Variants in ASTN2 observed in about 807,000 individuals in gnomAD.
ASTN2 encodes astrotactin-2.
A neutral mutation model predicts 139.8 loss-of-function variants in ASTN2; 54 were observed. The ratio of observed to expected loss-of-function variants is 0.39; its 90% CI spans 0.31 to 0.48. The LOEUF is 0.48. Ranked by LOEUF, ASTN2 falls within the 20% of genes least tolerant of loss-of-function variation. The probability of loss-of-function intolerance (pLI) is 0.95; values close to 1 mark genes in which losing one functional copy is unlikely to be tolerated. For missense variants in ASTN2, 1,565 were observed against 1,725.1 expected, an observed-to-expected ratio of 0.91 and a Z score of 1.64; for synonymous variants, 756 against 719.5, an observed-to-expected ratio of 1.05 and a Z score of -0.81.
At chr9:116,547,456 C>G (rs1218048707) in intron 19 of ASTN2, 1 of 152,166 alleles carries the variant, frequency 6.6e-6, no homozygotes, top group Non-Finnish European at 1.5e-5. Context: ...CATACAAAAA[C>G]AGTGTTGTGT....
chr9:117,214,456 T>C lies in ASTN2; in HGVS notation c.917A>G (p.Asn306Ser). 2 of 1,614,162 alleles carry C rather than the reference T, an allele frequency of 1.2e-6. No homozygotes were observed. Among genetic ancestry groups the C allele is most frequent in the Non-Finnish European group, 1.7e-6 (2 of 1,180,024 alleles). The change falls in exon 3 of 23, where the codon AAC (asparagine) becomes AGC (serine). Residue 306 changes from asparagine (N) to serine (S), a missense_variant. By Grantham distance (46) the Asn-to-Ser change is conservative. This residue lies in a region of ASTN2 where 596 missense variants were observed against 576.8 expected (regional missense o/e 1.03). Coordinates refer to ENST00000313400, the MANE Select transcript of ASTN2 (RefSeq NM_001365068.1). ...AAACTCGTCCTCGCGGGAGACATGG[T>C]TGGCCCGCCTAGGTGGCTCCTCATC... is the stretch of plus-strand genomic sequence containing the variant. ...EEDEEPPRRANHVSREDEFGS... is the reference protein window; with the variant it reads ...EEDEEPPRRASHVSREDEFGS...
At chr9:117,374,270 C>T (rs1251295053) in intron 1 of ASTN2, among the ~76,000 whole-genome samples, 1 of 150,998 alleles carries the variant, frequency 6.6e-6, no homozygotes, top group African/African-American at 2.4e-5. Flanking sequence ...TGGCAGGACC[C>T]ATGTCTTGCC....
intron 19 of ASTN2, among the ~76,000 whole-genome samples, chr9:116,507,981 TG>T (rs1265308905): frequency 2.0e-5 from 3 of 152,142 alleles, no homozygotes; most frequent in African/African-American, 7.2e-5. Context: ...CTCCACCTCC[TG>T]GGTTCAGGCG....
intron 19 of ASTN2, among the ~76,000 whole-genome samples, chr9:116,573,626 TTTTG>T (rs1853611483): frequency 9.3e-6 from 1 of 107,884 alleles, no homozygotes; most frequent in South Asian, 2.5e-4. Context: ...GAATCATGTT[TTTTG>T]TTTGTTTGCT....
At chr9:117,297,612 G>A (rs1445551243) in intron 1 of ASTN2, among the ~76,000 whole-genome samples, 2 of 152,154 alleles carry the variant, frequency 1.3e-5, no homozygotes, top group Non-Finnish European at 2.9e-5. Context: ...AACTAATGAT[G>A]AGCAACGAAG....
chr9:116,452,503 A>G (rs1396094235), intron 20 of ASTN2, among the ~76,000 whole-genome samples: 1 of 152,202 alleles, frequency 6.6e-6, no homozygotes, highest in African/African-American at 2.4e-5. Context: ...AGTGCCTTAG[A>G]GATTCCACAC....
At chr9:116,934,253 C>T (rs1488422544) in intron 10 of ASTN2, among the ~76,000 whole-genome samples, 1 of 152,056 alleles carries the variant, frequency 6.6e-6, no homozygotes, top group East Asian at 1.9e-4. Context: ...TCAACAGTCA[C>T]AGAGGTGCCA....
intron 2 of ASTN2, among the ~76,000 whole-genome samples, chr9:117,224,493 T>C (rs984378012): frequency 3.9e-5 from 6 of 152,186 alleles, no homozygotes; most frequent in Non-Finnish European, 5.9e-5. Flanking sequence ...ATTCCTCCCA[T>C]AGGCTCCAAG....
chr9:116,605,470 A>C (rs1476827855), intron 19 of ASTN2, among the ~76,000 whole-genome samples: 2 of 152,192 alleles, frequency 1.3e-5, no homozygotes, highest in East Asian at 3.9e-4. Flanking sequence ...AGATGACCAA[A>C]GAAAATGCAT....
At position 116,649,313 on chromosome 9, in the gene ASTN2, C is replaced by G. The variant is rs188836508; in HGVS notation, c.3072+2215G>C. Among the ~76,000 whole-genome samples the G allele has an allele frequency of 3.3e-5, 5 of 152,198 alleles. No homozygotes were observed. In the East Asian group the frequency reaches 9.7e-4, roughly 29 times the overall value. On this transcript the variant is annotated intron_variant, in intron 17 of 22. Coordinates refer to ENST00000313400, the MANE Select transcript of ASTN2 (RefSeq NM_001365068.1). ...TGGAGCCAGGCATGGTGGCTCTTGC[C>G]TGTAATCCCAGCACTTTGGGAGGCC...
chr9:117,240,059 G>A (rs1833161403), intron 2 of ASTN2, among the ~76,000 whole-genome samples: 1 of 152,176 alleles, frequency 6.6e-6, no homozygotes, highest in Admixed American at 6.6e-5. Context: ...TCATAAAGTT[G>A]AAAATTTAGA....
chr9:116,641,399 T>C (rs28520926), intron 17 of ASTN2, among the ~76,000 whole-genome samples: 3,606 of 152,254 alleles, frequency 0.024, 138 homozygotes, highest in African/African-American at 0.082. Context: ...TGTAAGACCT[T>C]GAGACAAGTG....
At chr9:117,137,507 T>C (rs1829980900) in intron 4 of ASTN2, among the ~76,000 whole-genome samples, 1 of 152,174 alleles carries the variant, frequency 6.6e-6, no homozygotes, top group Non-Finnish European at 1.5e-5. Context: ...CAAAATTCTG[T>C]TCCTATAGAT....
intron 10 of ASTN2, among the ~76,000 whole-genome samples, chr9:116,911,166 C>A (rs73520264): frequency 6.6e-6 from 1 of 152,166 alleles, no homozygotes; most frequent in Non-Finnish European, 1.5e-5. Context: ...ATCCATCCCA[C>A]GAAATAATGA....
chr9:116,504,043 A>G (rs1850002005), intron 19 of ASTN2, among the ~76,000 whole-genome samples: 1 of 152,202 alleles, frequency 6.6e-6, no homozygotes. Flanking sequence ...CTGAGGCATC[A>G]TCTGTTTCAG....
chr9:116,687,462 C>T, intron 16 of ASTN2: 1 of 154,094 alleles, frequency 6.5e-6, no homozygotes, highest in Non-Finnish European at 1.2e-5. Context: ...GGCGGGGGAA[C>T]GTGCCGGCGT....
At chr9:116,591,264 G>A (rs542820579) in intron 19 of ASTN2, among the ~76,000 whole-genome samples, 1 of 152,284 alleles carries the variant, frequency 6.6e-6, no homozygotes, top group South Asian at 2.1e-4. Context: ...GCCAGCCATG[G>A]AAGCTGCTTG....
chr9:116,694,950 A>T (rs997269701), intron 16 of ASTN2, among the ~76,000 whole-genome samples: 4 of 152,110 alleles, frequency 2.6e-5, no homozygotes, highest in African/African-American at 9.7e-5. Context: ...TTGCTGTGTG[A>T]GAGTAGGTCA....
chr9:117,363,731 G>T (rs1042411914), intron 1 of ASTN2, among the ~76,000 whole-genome samples: 4 of 152,144 alleles, frequency 2.6e-5, no homozygotes, highest in Admixed American at 1.3e-4. Flanking sequence ...ACATAAAACA[G>T]GTCTGTTATC....
Sources: gnomAD v4.1 joint callset for allele counts (sites outside exome capture counted in the v4.1 genomes callset) on GRCh38, gnomAD v4.1.1 for gene constraint, gnomAD v4.1.1 regional missense constraint, MANE v1.5 for transcripts, NCBI Gene and HGNC (gene_info 2026-07-23, HGNC 2026-07-21) for gene names.